SNTB1: variants seen among roughly 807,000 people sequenced by gnomAD.
SNTB1 encodes the protein syntrophin beta 1.
Under a neutral mutation model 48.9 loss-of-function variants are expected in SNTB1, and 36 were observed. The observed-to-expected ratio is 0.74, with a 90% CI of 0.56 to 0.97. The LOEUF is 0.97. Ranked by LOEUF, SNTB1 falls within the 50% of genes least tolerant of loss-of-function variation. SNTB1 has a pLI of 0.00. For missense variants in SNTB1, 786 were observed against 703.4 expected, an observed-to-expected ratio of 1.12 and a Z score of -1.33; for synonymous variants, 299 against 294.6, an observed-to-expected ratio of 1.01 and a Z score of -0.15.
At chr8:120,606,793 G>A (rs1392012004) in intron 3 of SNTB1, among the ~76,000 whole-genome samples, 1 of 152,144 alleles carries the variant, frequency 6.6e-6, no homozygotes, top group African/African-American at 2.4e-5. Flanking sequence ...AATTTGCAAG[G>A]TAGCCAATGT....
At chr8:120,715,094 C>T (rs1340730030) in intron 1 of SNTB1, among the ~76,000 whole-genome samples, 1 of 152,182 alleles carries the variant, frequency 6.6e-6, no homozygotes, top group Non-Finnish European at 1.5e-5. Flanking sequence ...TTATAGCCAA[C>T]CTTTGTCTTG....
intron 5 of SNTB1, among the ~76,000 whole-genome samples, chr8:120,547,276 T>C (rs1432261552): frequency 6.6e-6 from 1 of 152,198 alleles, no homozygotes; most frequent in Non-Finnish European, 1.5e-5. Context: ...CCTGAATCAA[T>C]TAATTGATTT....
chr8:120,716,200 A>AT (rs1198011012), intron 1 of SNTB1, among the ~76,000 whole-genome samples: 2 of 152,178 alleles, frequency 1.3e-5, no homozygotes, highest in Non-Finnish European at 2.9e-5. Context: ...GCAGGCATAA[A>AT]TTTTTCTACC....
intron 1 of SNTB1, among the ~76,000 whole-genome samples, chr8:120,704,104 C>A (rs1818346164): frequency 6.6e-6 from 1 of 152,136 alleles, no homozygotes; most frequent in South Asian, 2.1e-4. Flanking sequence ...TGCAAATGTT[C>A]ATGTCTGAAA....
chr8:120,680,410 C>T (rs1466720363), intron 2 of SNTB1, among the ~76,000 whole-genome samples: 1 of 152,178 alleles, frequency 6.6e-6, no homozygotes, highest in Non-Finnish European at 1.5e-5. Context: ...TAGTTCAACA[C>T]ACTAGCAATG....
intron 2 of SNTB1, among the ~76,000 whole-genome samples, chr8:120,648,734 T>G (rs1048764212): frequency 6.6e-6 from 1 of 152,192 alleles, no homozygotes; most frequent in Admixed American, 6.5e-5. Flanking sequence ...ATTAGGGAAG[T>G]TCTCCTGGAT....
intron 4 of SNTB1, among the ~76,000 whole-genome samples, chr8:120,553,169 T>C (rs1815511101): frequency 6.6e-6 from 1 of 152,222 alleles, no homozygotes; most frequent in South Asian, 2.1e-4. Context: ...CAGGAAGGAC[T>C]GTTGGTGTTC....
At chr8:120,695,819 G>A (rs907672496) in intron 1 of SNTB1, among the ~76,000 whole-genome samples, 1 of 152,050 alleles carries the variant, frequency 6.6e-6, no homozygotes, top group African/African-American at 2.4e-5. Context: ...AAGATTTCAG[G>A]GTTTTAGTTG....
chr8:120,769,132 G>T (rs560991932), intron 1 of SNTB1: 38 of 152,182 alleles, frequency 2.5e-4, no homozygotes, highest in African/African-American at 8.4e-4. Flanking sequence ...TAGACCCAGG[G>T]TCCCTCTATT....
chr8:120,736,758 G>A (rs1049663362), intron 1 of SNTB1, among the ~76,000 whole-genome samples: 9 of 152,144 alleles, frequency 5.9e-5, no homozygotes, highest in Non-Finnish European at 1.0e-4. Context: ...GGAAGCTGGA[G>A]GAAAATTAAA....
At chr8:120,669,869 G>C (rs1260293139) in intron 2 of SNTB1, among the ~76,000 whole-genome samples, 1 of 152,210 alleles carries the variant, frequency 6.6e-6, no homozygotes, top group Non-Finnish European at 1.5e-5. Flanking sequence ...GTGATGTGAT[G>C]CTGCTGGTGT....
chr8:120,674,999 C>T (rs192612058), intron 2 of SNTB1, among the ~76,000 whole-genome samples: 9 of 152,222 alleles, frequency 5.9e-5, no homozygotes, highest in Non-Finnish European at 1.2e-4. Context: ...GGTTCCTTTT[C>T]GAACAAAGGT....
intron 1 of SNTB1, among the ~76,000 whole-genome samples, chr8:120,706,585 A>C (rs1818379365): frequency 1.3e-5 from 2 of 152,228 alleles, no homozygotes; most frequent in Admixed American, 1.3e-4. Context: ...CTATTTTAAC[A>C]GCTATACTCT....
chr8:120,791,962 A>G lies in SNTB1; in HGVS notation c.571+19311T>C, dbSNP rs201406082. 2.0e-5 allele frequency among the ~76,000 whole-genome samples: 3 copies of G among 151,908 alleles called. No homozygotes were observed. The East Asian group carries it at 5.8e-4, about 29-fold the overall frequency. On this transcript the variant is annotated intron_variant, in intron 1 of 6. Coordinates refer to ENST00000517992, the MANE Select transcript of SNTB1 (RefSeq NM_021021.4). ...ACTACTGAGTATTTACCCAAAGGAA[A>G]ACATTAACTATATTAAAATGACACC...
At chr8:120,761,889 T>C (rs1423694178) in intron 1 of SNTB1, among the ~76,000 whole-genome samples, 3 of 152,234 alleles carry the variant, frequency 2.0e-5, no homozygotes, top group African/African-American at 7.2e-5. Context: ...CAGACTAAGA[T>C]GCAGGATTCA....
chr8:120,700,911 A>C lies in SNTB1; in HGVS notation c.572-7003T>G, dbSNP rs76733439. 9.0e-3 allele frequency among the ~76,000 whole-genome samples: 1,377 copies of C among 152,348 alleles called. 22 individuals are homozygous for C. Among genetic ancestry groups the C allele is most frequent in the African/African-American group, 0.032 (1,310 of 41,580 alleles). ...TAAAAATAACAACAAACACAACAAC[A>C]AAAAAAGAATTTCCAGATTACAGGA... On this transcript the variant is annotated intron_variant, in intron 1 of 6. Coordinates refer to ENST00000517992, the MANE Select transcript of SNTB1 (RefSeq NM_021021.4).
In SNTB1 at chr8:120,811,557, G is replaced by A. The variant is rs1820434639; in HGVS notation, c.287C>T (p.Thr96Ile). The part of the protein sequence containing the change: ...DSPAGVRTAF[T>I]DLPEQVPESI... ...CTCGGGCACCTGCTCGGGCAGGTCG[G>A]TGAAAGCGGTGCGGACCCCGGCGGG... is the stretch of plus-strand genomic sequence containing the variant. Residue 96 changes from threonine (T) to isoleucine (I), a missense_variant, in exon 1 of 7, where the codon ACC (threonine) becomes ATC (isoleucine). By Grantham distance (89) the Thr-to-Ile change is moderately conservative. Coordinates refer to ENST00000517992, the MANE Select transcript of SNTB1 (RefSeq NM_021021.4). The A allele has an allele frequency of 6.3e-7, 1 of 1,590,402 alleles. No homozygotes were observed. Among genetic ancestry groups the A allele is most frequent in the East Asian group, 2.3e-5 (1 of 43,280 alleles).
Position 120,581,527 on chromosome 8 carries a change from C to G in SNTB1, c.997-6302G>C, listed in dbSNP as rs554031330. On this transcript the variant is annotated intron_variant, in intron 3 of 6. Transcript: ENST00000517992. ...GCTGAGGCATGAGAATCGCTTGAAC[C>G]TGGGAGGCGGAGGTTGCAGTGAGCC... Among the ~76,000 whole-genome samples, 96 of 152,192 alleles carry G rather than the reference C, an allele frequency of 6.3e-4. 1 individual carries two copies. In the South Asian group the frequency reaches 7.1e-3, roughly 11 times the overall value.
chr8:120,684,878 A>C (rs538276644), intron 2 of SNTB1, among the ~76,000 whole-genome samples: 1 of 151,254 alleles, frequency 6.6e-6, no homozygotes, highest in African/African-American at 2.4e-5. Context: ...CTGGTCTTGA[A>C]CTCCTGACCT....
Sources: gnomAD v4.1 joint callset for allele counts (sites outside exome capture counted in the v4.1 genomes callset) on GRCh38, gnomAD v4.1.1 for gene constraint, MANE v1.5 for transcripts, NCBI Gene and HGNC (gene_info 2026-07-23, HGNC 2026-07-21) for gene names.